The following PUM3 variants were observed in gnomAD, a reference collection of about 807,000 sequenced individuals.
The protein encoded by PUM3 is pumilio RNA binding family member 3, also known as pumilio homolog 3.
A neutral mutation model predicts 84.0 loss-of-function variants in PUM3; 91 were observed. The ratio of observed to expected loss-of-function variants is 1.08; its 90% confidence interval spans 0.91 to 1.29. PUM3 has a LOEUF of 1.29. Among genes scored for constraint, PUM3 ranks in the 50% most tolerant of loss-of-function variants. The pLI is 0.00. For synonymous variants in PUM3, 321 were observed against 266.7 expected, an observed-to-expected ratio of 1.20 and a Z score of -1.98; for missense variants, 1,067 against 767.5, an observed-to-expected ratio of 1.39 and a Z score of -4.61.
rs747629466 is a variant in PUM3 at position 2,811,534 on chromosome 9, G to A, written c.1462C>T (p.Pro488Ser). Residue 488 changes from proline (P) to serine (S), a missense_variant, in exon 15 of 18, where the codon CCA becomes TCA. Transcript: ENST00000397885. Reference protein sequence around the residue: ...RRRELLESISPALLSYLQEHA... With the variant: ...RRRELLESISSALLSYLQEHA... ...TCTTGCAGGTAGCTTAACAAAGCTGGAGAAATGGATTCTAGGAGCTCCCGT... is the reference window on the plus strand; with the variant it reads ...TCTTGCAGGTAGCTTAACAAAGCTGAAGAAATGGATTCTAGGAGCTCCCGT... The A allele has an allele frequency of 6.2e-7, 1 of 1,614,164 alleles. No individual in the cohort carries two copies. Among genetic ancestry groups the A allele is most frequent in the Non-Finnish European group, 8.5e-7 (1 of 1,180,026 alleles).
chr9:2,836,585 T>C (rs898399359), intron 3 of PUM3, among the ~76,000 whole-genome samples: 3 of 152,164 alleles, frequency 2.0e-5, no homozygotes, highest in Non-Finnish European at 2.9e-5. Context: ...AAATCTGTCA[T>C]GTGTGCACAA....
At position 2,820,002 on chromosome 9, in the gene PUM3, C is replaced by T. The variant is rs774859749; in HGVS notation, c.1269+16G>A. On this transcript the variant is annotated intron_variant, in intron 13 of 17. Coordinates refer to ENST00000397885, the MANE Select transcript of PUM3 (RefSeq NM_014878.5). ...TATCGATGTAACTTAAATTCAAGAC[C>T]ATCAGGATTACTTACTGATATGATT... The T allele has an allele frequency of 6.5e-7, 1 of 1,530,828 alleles. No homozygotes were observed. Among genetic ancestry groups the T allele is most frequent in the Non-Finnish European group, 9.0e-7 (1 of 1,106,018 alleles). The allele number at this position is 1,530,828 out of a possible 1,614,324, so 94.8% of individuals were successfully genotyped here.
At position 2,807,824 on chromosome 9, in the gene PUM3, T is replaced by C. The variant is rs1337776544; in HGVS notation, c.1804A>G (p.Ile602Val). ...ACATGTTATACATACCTAGAAAGAA[T>C]AATGGCACCTCGATTTACACTAGCC... ...SWASVNRGAI[I>V]LSSLLQSCDL... Residue 602 changes from isoleucine to valine, a missense_variant, in exon 17 of 18, where the codon ATT becomes GTT. By Grantham distance (29) the Ile-to-Val change is conservative. Transcript: ENST00000397885. 1.2e-6 allele frequency: 2 copies of C among 1,606,666 alleles called. No individual in the cohort carries two copies. Among genetic ancestry groups the C allele is most frequent in the African/African-American group, 1.4e-5 (1 of 73,478 alleles).
chr9:2,838,409 T>A lies in PUM3; in HGVS notation c.82+17A>T. On this transcript the variant is annotated intron_variant, in intron 2 of 17. Transcript: ENST00000397885. ...CAATTATAACAGCCAAACACCCACA[T>A]GGGAAGCATATCTTACCACTATTTT... 1 of 1,568,530 alleles carries A rather than the reference T, an allele frequency of 6.4e-7. No homozygotes were observed. The highest frequency in any genetic ancestry group is 2.2e-5 in the East Asian group (1 of 44,610).
intron 3 of PUM3, among the ~76,000 whole-genome samples, chr9:2,835,339 G>A (rs545683285): frequency 6.6e-6 from 1 of 152,196 alleles, no homozygotes; most frequent in East Asian, 1.9e-4. Context: ...GATCACTTGA[G>A]TCCAGGAGGT....
chr9:2,837,294 C>T lies in PUM3; in HGVS notation c.190G>A (p.Gly64Ser), dbSNP rs201992068. ...EKSITKLGKKGVKQFKNKQQG... is the reference protein window; with the variant it reads ...EKSITKLGKKSVKQFKNKQQG... ...TGCTTATTCTTGAACTGCTTTACAC[C>T]CTTTTTCCCAAGTTTTGTGATACTT... Residue 64 changes from glycine (G) to serine (S), a missense_variant, in exon 3 of 18, where the codon GGT becomes AGT. By Grantham distance (56) the Gly-to-Ser change is moderately conservative. Transcript: ENST00000397885. 192 of 1,613,934 alleles carry T rather than the reference C, an allele frequency of 1.2e-4. No homozygotes were observed. Among genetic ancestry groups the T allele is most frequent in the East Asian group, 8.0e-4 (36 of 44,886 alleles).
intron 16 of PUM3, among the ~76,000 whole-genome samples, chr9:2,808,467 C>T (rs923255913): frequency 2.6e-5 from 4 of 152,194 alleles, no homozygotes; most frequent in Non-Finnish European, 5.9e-5. Context: ...ATTTGATTCC[C>T]AAGGTCGTGG....
Position 2,827,161 on chromosome 9 carries a change from G to GA in PUM3, c.957-11dup, listed in dbSNP as rs772376790. The stretch of plus-strand genomic sequence containing the variant: ...CTTAATCACAGCTTCCCTGAAAACA[G>GA]AAAAAAAAAGCAAAAAGACACAACA... On this transcript the variant is annotated splice_polypyrimidine_tract_variant and intron_variant, in intron 9 of 17. Transcript: ENST00000397885. 1,024 of 1,560,430 alleles carry GA rather than the reference G, an allele frequency of 6.6e-4. No individual in the cohort carries two copies. Among genetic ancestry groups the GA allele is most frequent in the South Asian group, 1.2e-3 (96 of 83,470 alleles).
At chr9:2,826,260 T>C (rs1815817272) in intron 10 of PUM3, among the ~76,000 whole-genome samples, 1 of 152,198 alleles carries the variant, frequency 6.6e-6, no homozygotes, top group South Asian at 2.1e-4. Flanking sequence ...ATTCAAATAA[T>C]CATTGTGTCA....
intron 1 of PUM3, among the ~76,000 whole-genome samples, chr9:2,843,639 C>G (rs898098800): frequency 7.3e-6 from 1 of 137,870 alleles, no homozygotes; most frequent in Non-Finnish European, 1.5e-5. Flanking sequence ...AGTGTAGTGG[C>G]ACGATCTTGG....
At chr9:2,840,785 G>C (rs542986063) in intron 1 of PUM3, among the ~76,000 whole-genome samples, 1 of 152,240 alleles carries the variant, frequency 6.6e-6, no homozygotes, top group Non-Finnish European at 1.5e-5. Context: ...ACTGGCTCCA[G>C]GTTCCTTCTG....
chr9:2,819,230 T>A (rs12351279), intron 13 of PUM3, among the ~76,000 whole-genome samples: 9,022 of 152,210 alleles, frequency 0.059, 360 homozygotes, highest in African/African-American at 0.11. Flanking sequence ...GAAAAGACAA[T>A]TGTAGAATCA....
At chr9:2,806,965 T>C (rs898852349) in intron 17 of PUM3, among the ~76,000 whole-genome samples, 1 of 151,954 alleles carries the variant, frequency 6.6e-6, no homozygotes, top group Non-Finnish European at 1.5e-5. Flanking sequence ...TCCCAGCACT[T>C]TGGGAGCCCG....
rs1436779245 is a variant in PUM3, at chr9:2,804,373, G to T, written c.1905C>A (p.Thr635=). The T allele has an allele frequency of 6.2e-7, 1 of 1,613,690 alleles. No individual in the cohort carries two copies. Among genetic ancestry groups the T allele is most frequent in the Admixed American group, 1.7e-5 (1 of 59,964 alleles). ...LIPTLEKTKS[T]SKGIEILLEK... is the part of the protein sequence containing the mutation. ...CAAGTAGAATTTCTATTCCTTTGCT[G>T]GTGCTTTTGGTTTTTTCCAATGTAG... Residue 635 remains threonine, a synonymous_variant, in exon 18 of 18, where the codon ACC becomes ACA. Coordinates refer to ENST00000397885, the MANE Select transcript of PUM3 (RefSeq NM_014878.5).
chr9:2,822,316 A>C (rs1264248736), intron 12 of PUM3, among the ~76,000 whole-genome samples: 1 of 152,150 alleles, frequency 6.6e-6, no homozygotes, highest in Non-Finnish European at 1.5e-5. Flanking sequence ...TATTTTCAAA[A>C]TACTTAGACC....
At position 2,830,983 on chromosome 9, in the gene PUM3, AC is replaced by A; in HGVS notation, c.655del (p.Val219LeufsTer16). On this transcript the variant is annotated frameshift_variant, in exon 7 of 18. Coordinates refer to ENST00000397885, the MANE Select transcript of PUM3 (RefSeq NM_014878.5). LOFTEE classifies it high-confidence loss of function. The stretch of plus-strand genomic sequence containing the variant: ...TTACCCATACATGAGAAATTTCTTA[AC>A]AATATTTCTCGAATATTTGGCTTTA... ...LSKAKYSRNI[V>X]KKFLMYGSKP... 1 of 1,488,194 alleles carries A rather than the reference AC, an allele frequency of 6.7e-7. No individual in the cohort carries two copies. Among genetic ancestry groups the A allele is most frequent in the Non-Finnish European group, 9.3e-7 (1 of 1,073,010 alleles). 92.2% of individuals were successfully genotyped at this position (1,488,194 alleles called of 1,614,324 possible).
At chr9:2,832,678 C>G (rs1816016412) in intron 5 of PUM3, among the ~76,000 whole-genome samples, 1 of 152,154 alleles carries the variant, frequency 6.6e-6, no homozygotes, top group Non-Finnish European at 1.5e-5. Flanking sequence ...AAAGATCCTG[C>G]TGAATTTATA....
chr9:2,817,979 A>G (rs746087176), intron 13 of PUM3, among the ~76,000 whole-genome samples: 3 of 152,238 alleles, frequency 2.0e-5, no homozygotes, highest in Admixed American at 6.5e-5. Flanking sequence ...ATGTTTATTT[A>G]GGAAAGTAGT....
chr9:2,841,679 A>G (rs2129899008), intron 1 of PUM3, among the ~76,000 whole-genome samples: 1 of 150,980 alleles, frequency 6.6e-6, no homozygotes, highest in South Asian at 2.1e-4. Context: ...CATTCAAGTC[A>G]GTGTATTCTG....
Sources: gnomAD v4.1 joint callset for allele counts (sites outside exome capture counted in the v4.1 genomes callset) on GRCh38, gnomAD v4.1.1 for gene constraint, MANE v1.5 for transcripts, NCBI Gene and HGNC (gene_info 2026-07-23, HGNC 2026-07-21) for gene names.